ARMH3: variants seen among roughly 807,000 people sequenced by gnomAD.
ARMH3 encodes the protein armadillo-like helical domain-containing protein 3.
Under a neutral mutation model 99.1 loss-of-function variants are expected in ARMH3, and 60 were observed. The ratio of observed to expected loss-of-function variants is 0.61; its 90% CI spans 0.49 to 0.75. The LOEUF (loss-of-function observed/expected upper bound fraction) is 0.75, where lower values mean the gene tolerates loss of function less well. Ranked by LOEUF, ARMH3 falls within the 30% of genes least tolerant of loss-of-function variation. The probability of loss-of-function intolerance (pLI) is 0.00; values close to 1 mark genes in which losing one functional copy is unlikely to be tolerated. For synonymous variants in ARMH3, 285 were observed against 292.8 expected (o/e 0.97, Z 0.27); for missense variants, 679 against 843.1 (o/e 0.81, Z 2.41).
At chr10:102,055,087 C>T (rs561255809) in intron 1 of ARMH3, among the ~76,000 whole-genome samples, 1 of 151,298 alleles carries the variant, frequency 6.6e-6, no homozygotes, top group Admixed American at 6.6e-5. Flanking sequence ...TTTGGGAGGC[C>T]GAGGCGGGCG....
intron 24 of ARMH3, among the ~76,000 whole-genome samples, chr10:101,852,699 A>T (rs938977676): frequency 1.2e-4 from 18 of 151,710 alleles, no homozygotes; most frequent in Non-Finnish European, 2.2e-4. Context: ...CCATGCCATG[A>T]GCTGTGATCA....
At chr10:101,957,756 T>C in intron 20 of ARMH3, 24 bp from the exon 21 acceptor site, 1 of 1,368,900 alleles carries the variant, frequency 7.3e-7, no homozygotes, top group East Asian at 2.6e-5. Flanking sequence ...AAAAAAGACA[T>C]CAACAAGCTA....
chr10:101,965,233 A>G (rs1357683532), intron 20 of ARMH3, among the ~76,000 whole-genome samples: 1 of 152,060 alleles, frequency 6.6e-6, no homozygotes, highest in Non-Finnish European at 1.5e-5. Flanking sequence ...TTCCACAGAC[A>G]CTCCCAACAG....
rs1198653424 is a variant in ARMH3 at position 102,036,194 on chromosome 10, G to A, written c.103-2855C>T. On this transcript the variant is annotated intron_variant, in intron 2 of 25. Transcript: ENST00000370033. The stretch of plus-strand genomic sequence containing the variant: ...CAGCCCCCGCCCGGCCAGCCGCCCC[G>A]TCCGGGAGGGAAGTGGGGGGTCAGC... Among the ~76,000 whole-genome samples the A allele has an allele frequency of 2.2e-4, 30 of 135,688 alleles. 1 individual carries two copies. Among genetic ancestry groups the A allele is most frequent in the African/African-American group, 5.7e-4 (21 of 37,024 alleles). The allele number at this position is 135,688 out of a possible 152,430, so 89.0% of individuals were successfully genotyped here. A position where few individuals can be genotyped will look rare whatever the true frequency, so the allele number is the denominator to read the frequency against.
chr10:101,881,226 T>C (rs2067408183), intron 24 of ARMH3, among the ~76,000 whole-genome samples: 1 of 152,178 alleles, frequency 6.6e-6, no homozygotes, highest in Admixed American at 6.5e-5. Context: ...GGTTACACCA[T>C]CCTATGGCCC....
chr10:101,911,442 T>C (rs1169628296), intron 23 of ARMH3, among the ~76,000 whole-genome samples: 1 of 152,128 alleles, frequency 6.6e-6, no homozygotes, highest in Non-Finnish European at 1.5e-5. Flanking sequence ...CAGAGTCTTG[T>C]CAAAAAGATG....
Position 102,040,082 on chromosome 10 carries a change from G to A in ARMH3, c.33C>T (p.Leu11=). 6.2e-7 allele frequency: 1 copy of A among 1,614,156 alleles called. No homozygotes were observed. Among genetic ancestry groups the A allele is most frequent in the Non-Finnish European group, 8.5e-7 (1 of 1,180,028 alleles). The part of the protein sequence containing the change: MAQVEKRGGL[L]RKSSASKKPL... ...GTTTTTTGGAGGCTGAAGATTTCCG[G>A]AGCAAACCTCCACGTTTCTCTACCT... Residue 11 remains leucine, a synonymous_variant, in exon 2 of 26, where the codon CTC becomes CTT. Transcript: ENST00000370033.
intron 2 of ARMH3, among the ~76,000 whole-genome samples, chr10:102,037,154 T>C (rs1427520562): frequency 2.6e-5 from 4 of 151,354 alleles, no homozygotes; most frequent in Non-Finnish European, 4.4e-5. Flanking sequence ...TCTAATAAAA[T>C]ATTAATAATC....
At chr10:101,997,648 C>A (rs1401031090) in intron 15 of ARMH3, among the ~76,000 whole-genome samples, 2 of 151,584 alleles carry the variant, frequency 1.3e-5, no homozygotes, top group Non-Finnish European at 2.9e-5. Context: ...GGGAGGGACA[C>A]ACAGGTAGCT....
At chr10:102,055,071 C>T (rs996161833) in intron 1 of ARMH3, among the ~76,000 whole-genome samples, 2 of 150,188 alleles carry the variant, frequency 1.3e-5, no homozygotes, top group Non-Finnish European at 2.9e-5. Flanking sequence ...CCTTTAATCA[C>T]AGCACTTTGG....
At chr10:101,869,028 T>A (rs2067072766) in intron 24 of ARMH3, among the ~76,000 whole-genome samples, 1 of 148,578 alleles carries the variant, frequency 6.7e-6, no homozygotes, top group Non-Finnish European at 1.5e-5. Flanking sequence ...GCCAAAATTG[T>A]GCCACTGCAC....
chr10:101,917,676 T>G (rs72844674), intron 23 of ARMH3, among the ~76,000 whole-genome samples: 2 of 152,358 alleles, frequency 1.3e-5, no homozygotes, highest in African/African-American at 4.8e-5. Flanking sequence ...TTAGCAGATA[T>G]GCAATTTCCC....
In ARMH3 at chr10:101,847,336, A is replaced by T. The variant is rs927053731; in HGVS notation, c.*192T>A. On this transcript the variant is annotated 3_prime_UTR_variant, in exon 26 of 26. Coordinates refer to ENST00000370033, the MANE Select transcript of ARMH3 (RefSeq NM_024541.3). ...CACTGTGCCCACCCATTCCTCCCCAAATAAGATTATCCCTGGCTTGACCCT... is the reference window on the plus strand; with the variant it reads ...CACTGTGCCCACCCATTCCTCCCCATATAAGATTATCCCTGGCTTGACCCT... The T allele has an allele frequency of 8.8e-6, 5 of 566,456 alleles. No individual in the cohort carries two copies. The African/African-American group carries it at 9.4e-5, about 11-fold the overall frequency. 35.1% of individuals were successfully genotyped at this position (566,456 alleles called of 1,614,324 possible). A position where few individuals can be genotyped will look rare whatever the true frequency, so the allele number is the denominator to read the frequency against.
intron 19 of ARMH3, among the ~76,000 whole-genome samples, chr10:101,985,078 T>TACACACAC (rs35926257): frequency 2.2e-4 from 30 of 136,202 alleles, no homozygotes; most frequent in South Asian, 4.7e-4. Flanking sequence ...AAAATATATA[T>TACACACAC]ACACACACAC....
chr10:101,850,687 A>T (rs1300879478), intron 24 of ARMH3, among the ~76,000 whole-genome samples: 1 of 152,074 alleles, frequency 6.6e-6, no homozygotes, highest in Non-Finnish European at 1.5e-5. Context: ...GACCTCCAAA[A>T]GTGCTGGGAT....
intron 22 of ARMH3, among the ~76,000 whole-genome samples, chr10:101,948,472 C>A (rs984652067): frequency 6.6e-6 from 1 of 152,016 alleles, no homozygotes; most frequent in African/African-American, 2.4e-5. Context: ...TAAAGTCAGA[C>A]AAAACAGAAT....
chr10:102,014,078 G>A (rs1275492132), intron 8 of ARMH3, 54 bp from the exon 9 acceptor site: 28 of 1,388,024 alleles, frequency 2.0e-5, no homozygotes, highest in East Asian at 6.9e-5. Flanking sequence ...AAGAAAGCCC[G>A]TTAGCTATCT....
chr10:101,868,686 TTAA>T (rs1200367636), intron 24 of ARMH3, among the ~76,000 whole-genome samples: 4 of 152,340 alleles, frequency 2.6e-5, no homozygotes, highest in African/African-American at 9.6e-5. Context: ...TATGATTCTC[TTAA>T]TAACATTTTC....
At chr10:101,985,132 CAT>C (rs752514485) in intron 19 of ARMH3, among the ~76,000 whole-genome samples, 61 of 149,876 alleles carry the variant, frequency 4.1e-4, no homozygotes, top group Admixed American at 8.0e-4. Context: ...TATATACACA[CAT>C]GTGTACATAT....
Sources: allele counts gnomAD v4.1 joint callset (sites outside exome capture counted in the v4.1 genomes callset), GRCh38; gene constraint gnomAD v4.1.1; transcripts MANE v1.5; gene names NCBI Gene and HGNC (gene_info 2026-07-23, HGNC 2026-07-21).